Variants in CADPS2 observed in about 807,000 individuals in gnomAD.
The protein encoded by CADPS2 is calcium-dependent secretion activator 2.
Under a neutral mutation model 172.5 loss-of-function variants are expected in CADPS2, and 93 were observed. The ratio of observed to expected loss-of-function variants is 0.54; its 90% CI spans 0.46 to 0.64. The LOEUF is 0.64. CADPS2 is among the 30% of genes least tolerant of loss of function. The pLI is 0.00. For synonymous variants in CADPS2, 546 were observed against 555.2 expected, an observed-to-expected ratio of 0.98 and a Z score of 0.23; for missense variants, 1,420 against 1,565.9, an observed-to-expected ratio of 0.91 and a Z score of 1.57.
intron 2 of CADPS2, among the ~76,000 whole-genome samples, chr7:122,706,327 CTTATATATTCAAGGAATAT>C (rs1276850135): frequency 1.8e-4 from 5 of 27,914 alleles, no homozygotes; most frequent in Non-Finnish European, 2.9e-4. Flanking sequence ...TATATATATG[CTTATATATTCAAGGAATAT>C]ATATATATGC....
At chr7:122,415,406 T>G (rs2047769193) in intron 18 of CADPS2, among the ~76,000 whole-genome samples, 1 of 152,152 alleles carries the variant, frequency 6.6e-6, no homozygotes, top group African/African-American at 2.4e-5. Flanking sequence ...ACATTTGGAC[T>G]GAAGGCAGTG....
In CADPS2 at chr7:122,875,000, A is replaced by G. The variant is rs545931777; in HGVS notation, c.339+10999T>C. Among the ~76,000 whole-genome samples, 243 of 152,340 alleles carry G rather than the reference A, an allele frequency of 1.6e-3. 1 individual carries two copies. The highest frequency in any genetic ancestry group is 3.4e-3 in the Middle Eastern group (1 of 294). On this transcript the variant is annotated intron_variant, in intron 1 of 29. Coordinates refer to ENST00000449022, the MANE Select transcript of CADPS2 (RefSeq NM_017954.11). ...AACACTGAACAAAACAGAAAATAAG[A>G]TTAAACATATCAGTGGTAACTAATA...
chr7:122,747,774 C>T (rs1315054631), intron 1 of CADPS2, among the ~76,000 whole-genome samples: 1 of 152,080 alleles, frequency 6.6e-6, no homozygotes, highest in African/African-American at 2.4e-5. Flanking sequence ...GAGGTAAAAG[C>T]TCCTCTCCTC....
intron 14 of CADPS2, 107 bp from the exon 15 acceptor site, chr7:122,451,582 T>C (rs924365476): frequency 1.8e-6 from 1 of 563,772 alleles, no homozygotes; most frequent in African/African-American, 2.0e-5. Flanking sequence ...ACTGTATACA[T>C]ATTAATTGTG....
At chr7:122,680,628 C>T (rs1303281052) in intron 2 of CADPS2, among the ~76,000 whole-genome samples, 1 of 152,232 alleles carries the variant, frequency 6.6e-6, no homozygotes, top group Non-Finnish European at 1.5e-5. Flanking sequence ...GCATGAGAAT[C>T]ACTTGAGTCT....
chr7:122,473,627 T>C (rs907959523), intron 13 of CADPS2, among the ~76,000 whole-genome samples: 1 of 152,152 alleles, frequency 6.6e-6, no homozygotes, highest in South Asian at 2.1e-4. Flanking sequence ...GTGATAGAAA[T>C]AGGCATTTTC....
intron 1 of CADPS2, among the ~76,000 whole-genome samples, chr7:122,759,458 A>G (rs1412246335): frequency 6.6e-6 from 1 of 152,192 alleles, no homozygotes; most frequent in Non-Finnish European, 1.5e-5. Context: ...TACAAATAGA[A>G]AACAATTGCC....
At chr7:122,810,630 G>A (rs181408456) in intron 1 of CADPS2, among the ~76,000 whole-genome samples, 42 of 152,152 alleles carry the variant, frequency 2.8e-4, no homozygotes, top group African/African-American at 4.6e-4. Flanking sequence ...CCATTTATTC[G>A]CAGGATTTTA....
rs762238595 is a variant in CADPS2 at position 122,554,658 on chromosome 7, T to C, written c.1367A>G (p.Lys456Arg). Residue 456 changes from lysine (K) to arginine (R), a missense_variant, in exon 8 of 30, where the codon AAA becomes AGA. Transcript: ENST00000449022. ...TACCATTCGGTGTAATTCAGCTGATTTGGAGCTATTAGAAGTTGGGTATAA... is the reference window on the plus strand; with the variant it reads ...TACCATTCGGTGTAATTCAGCTGATCTGGAGCTATTAGAAGTTGGGTATAA... The part of the protein sequence containing the change: ...VILYPTSNSS[K>R]SAELHRMVVP... 1.1e-5 allele frequency: 18 copies of C among 1,609,780 alleles called. No individual in the cohort carries two copies. Among genetic ancestry groups the C allele is most frequent in the Non-Finnish European group, 1.4e-5 (17 of 1,178,156 alleles).
At chr7:122,780,660 C>T (rs1792450094) in intron 1 of CADPS2, among the ~76,000 whole-genome samples, 1 of 152,242 alleles carries the variant, frequency 6.6e-6, no homozygotes, top group East Asian at 1.9e-4. Context: ...TGTGTCTCCA[C>T]ACCACTAATT....
In CADPS2 at chr7:122,393,326, A is replaced by G; in HGVS notation, c.2889-11T>C. On this transcript the variant is annotated splice_polypyrimidine_tract_variant and intron_variant, in intron 21 of 29. Transcript: ENST00000449022. Reference sequence around the variant, plus strand: ...CTGTTGGCGATATTCCTGTAAAGAAACAAACAACGTGGGAAGGGACCACCA... The same window carrying G: ...CTGTTGGCGATATTCCTGTAAAGAAGCAAACAACGTGGGAAGGGACCACCA... The G allele has an allele frequency of 1.2e-6, 2 of 1,613,804 alleles. No homozygotes were observed. The highest frequency in any genetic ancestry group is 1.7e-6 in the Non-Finnish European group (2 of 1,179,748).
intron 2 of CADPS2, among the ~76,000 whole-genome samples, chr7:122,691,137 G>C (rs1373306187): frequency 6.6e-6 from 1 of 152,184 alleles, no homozygotes; most frequent in Non-Finnish European, 1.5e-5. Flanking sequence ...CCTTATCCGG[G>C]GAGTCACTAC....
At chr7:122,389,898 T>TA (rs938523890) in intron 22 of CADPS2, among the ~76,000 whole-genome samples, 24 of 151,390 alleles carry the variant, frequency 1.6e-4, no homozygotes, top group East Asian at 7.8e-4. Context: ...AAAGTAAAAT[T>TA]AAAAAAAAAT....
intron 9 of CADPS2, among the ~76,000 whole-genome samples, chr7:122,507,521 C>T (rs905660690): frequency 7.2e-5 from 11 of 152,072 alleles, no homozygotes; most frequent in African/African-American, 2.2e-4. Flanking sequence ...GAAGTCAAGA[C>T]GTGGCTCAGT....
intron 7 of CADPS2, among the ~76,000 whole-genome samples, chr7:122,558,585 G>A (rs1199403336): frequency 1.3e-5 from 2 of 151,978 alleles, no homozygotes; most frequent in Middle Eastern, 6.8e-3. Context: ...TCTTTGCTAA[G>A]GTGTAATGGA....
intron 1 of CADPS2, among the ~76,000 whole-genome samples, chr7:122,752,069 C>T (rs2092976515): frequency 6.6e-6 from 1 of 150,872 alleles, no homozygotes; most frequent in Non-Finnish European, 1.5e-5. Flanking sequence ...AACTCAAGAA[C>T]ACTCAAAACG....
At chr7:122,807,533 C>T (rs922328697) in intron 1 of CADPS2, among the ~76,000 whole-genome samples, 6 of 152,192 alleles carry the variant, frequency 3.9e-5, no homozygotes, top group African/African-American at 7.2e-5. Context: ...CCTCGGGAGG[C>T]GGCTCCCCTT....
At position 122,644,111 on chromosome 7, in the gene CADPS2, G is replaced by T. The variant is rs1392243583; in HGVS notation, c.787-14783C>A. Among the ~76,000 whole-genome samples the T allele has an allele frequency of 8.0e-5, 12 of 150,682 alleles. No individual in the cohort carries two copies. In the East Asian group the frequency reaches 2.3e-3, roughly 29 times the overall value. ...AGGAAGGAATGAAGGAAGGAAGGAA[G>T]GAAGGAACAAACGAAGGAAAAGAAT... is the stretch of plus-strand genomic sequence containing the variant. On this transcript the variant is annotated intron_variant, in intron 3 of 29. Transcript: ENST00000449022.
intron 7 of CADPS2, among the ~76,000 whole-genome samples, chr7:122,568,662 T>A (rs962688961): frequency 6.6e-6 from 1 of 152,138 alleles, no homozygotes; most frequent in Non-Finnish European, 1.5e-5. Context: ...CTTTGATCTA[T>A]ATGTAGCTCT....
Sources: gnomAD v4.1 joint callset for allele counts (sites outside exome capture counted in the v4.1 genomes callset) on GRCh38, gnomAD v4.1.1 for gene constraint, MANE v1.5 for transcripts, NCBI Gene and HGNC (gene_info 2026-07-23, HGNC 2026-07-21) for gene names.